Variants in CACUL1 observed in about 807,000 individuals in gnomAD.
CACUL1 encodes the protein CDK2 associated cullin domain 1, also known as CDK2-associated and cullin domain-containing protein 1.
In CACUL1, 13 loss-of-function variants were observed where a neutral mutation model predicts 45.2. That is an observed-to-expected ratio of 0.29 (90% CI 0.19 to 0.46). The LOEUF (loss-of-function observed/expected upper bound fraction) is 0.46. CACUL1 is among the 20% of genes least tolerant of loss of function. The pLI is 1.00. For synonymous variants in CACUL1, 197 were observed against 174.2 expected (o/e 1.13, Z -1.03); for missense variants, 421 against 471.4 (o/e 0.89, Z 0.99).
chr10:118,752,201 A>C (rs1252751287), intron 1 of CACUL1, among the ~76,000 whole-genome samples: 4 of 150,756 alleles, frequency 2.7e-5, no homozygotes, highest in Admixed American at 2.6e-4. Context: ...CTACAATGCT[A>C]AACAGTAGTA....
intron 2 of CACUL1, 69 bp downstream of exon 2, chr10:118,730,215 A>T: frequency 6.7e-7 from 1 of 1,483,054 alleles, no homozygotes; most frequent in Non-Finnish European, 9.4e-7. Context: ...TGTTTGTGTG[A>T]GGCATAATTC....
In CACUL1 at chr10:118,700,995, G is replaced by T. The variant is rs560185508; in HGVS notation, c.796+311C>A. On this transcript the variant is annotated intron_variant, in intron 5 of 8. Coordinates refer to ENST00000369151, the MANE Select transcript of CACUL1 (RefSeq NM_153810.5). ...TCTAGAGTTACTAGTAGTAAAGTTA[G>T]AAGTGAACTTCCTAATAATACTTTC... is the stretch of plus-strand genomic sequence containing the variant. 2.0e-5 allele frequency among the ~76,000 whole-genome samples: 3 copies of T among 152,286 alleles called. No individual in the cohort carries two copies. In the South Asian group the frequency reaches 6.2e-4, roughly 32 times the overall value.
At chr10:118,701,230 C>G (rs1370289964) in intron 5 of CACUL1, 76 bp downstream of exon 5, 3 of 796,274 alleles carry the variant, frequency 3.8e-6, no homozygotes, top group Non-Finnish European at 5.9e-6. Context: ...CGTGACAATG[C>G]TCTCAGACCA....
At chr10:118,745,844 T>TAA (rs1414828982) in intron 1 of CACUL1, among the ~76,000 whole-genome samples, 2 of 151,644 alleles carry the variant, frequency 1.3e-5, no homozygotes, top group Non-Finnish European at 2.9e-5. Flanking sequence ...TGCCTACAAG[T>TAA]AAAAGTAGTC....
chr10:118,707,396 T>C, intron 4 of CACUL1, 96 bp downstream of exon 4: 1 of 548,172 alleles, frequency 1.8e-6, no homozygotes, highest in Non-Finnish European at 3.2e-6. Flanking sequence ...ACAAATGTAG[T>C]AAAAGAAAAA....
chr10:118,722,721 T>A (rs1452738307), intron 3 of CACUL1, among the ~76,000 whole-genome samples: 1 of 152,188 alleles, frequency 6.6e-6, no homozygotes, highest in African/African-American at 2.4e-5. Flanking sequence ...CTCAACTTAG[T>A]AATAGGAGGA....
chr10:118,726,470 C>CAA (rs748079411), intron 3 of CACUL1: 44 of 390,372 alleles, frequency 1.1e-4, no homozygotes, highest in Non-Finnish European at 1.8e-4. Context: ...GTGAAGTAGT[C>CAA]AGACAGGGAA....
intron 1 of CACUL1, among the ~76,000 whole-genome samples, chr10:118,747,635 C>A (rs1463538201): frequency 6.8e-6 from 1 of 147,012 alleles, no homozygotes; most frequent in African/African-American, 2.5e-5. Flanking sequence ...TATGCGAGAA[C>A]GTGGAAGAAT....
intron 4 of CACUL1, among the ~76,000 whole-genome samples, chr10:118,703,334 G>T (rs777959464): frequency 2.6e-5 from 4 of 151,220 alleles, no homozygotes; most frequent in Non-Finnish European, 4.4e-5. Flanking sequence ...AAATACTAGT[G>T]TGAAAATATT....
chr10:118,693,053 G>A (rs988203874), intron 6 of CACUL1: 1 of 152,238 alleles, frequency 6.6e-6, no homozygotes, highest in African/African-American at 2.4e-5. Context: ...TAAAGATGAA[G>A]AAACAAAGTG....
intron 4 of CACUL1, 25 bp from the exon 5 acceptor site, chr10:118,701,433 T>C: frequency 7.3e-7 from 1 of 1,369,070 alleles, no homozygotes; most frequent in Non-Finnish European, 1.0e-6. Flanking sequence ...AAAATCTTTT[T>C]TTGTGTATTA....
chr10:118,720,074 G>C (rs1261931389), intron 3 of CACUL1, among the ~76,000 whole-genome samples: 3 of 151,992 alleles, frequency 2.0e-5, no homozygotes, highest in African/African-American at 7.2e-5. Context: ...TTTTCACTTA[G>C]ATCTTTTACT....
At position 118,684,979 on chromosome 10, in the gene CACUL1, GA is replaced by G. The variant is rs1421788108; in HGVS notation, c.*1148del. On this transcript the variant is annotated 3_prime_UTR_variant, in exon 9 of 9. Transcript: ENST00000369151. ...GACTAAAAAGCACTGTGGATGTGGAGAAACAGAAATATAGCTTTGCCACAGC... is the reference window on the plus strand; with the variant it reads ...GACTAAAAAGCACTGTGGATGTGGAGAACAGAAATATAGCTTTGCCACAGC... The G allele has an allele frequency of 6.6e-6, 1 of 152,204 alleles. No homozygotes were observed. The highest frequency in any genetic ancestry group is 1.5e-5 in the Non-Finnish European group (1 of 68,034). The allele number at this position is 152,204 out of a possible 1,614,324, so 9.4% of individuals were successfully genotyped here. A position where few individuals can be genotyped will look rare whatever the true frequency, so the allele number is the denominator to read the frequency against.
Position 118,684,715 on chromosome 10 carries a change from AG to A in CACUL1, c.*1412del, listed in dbSNP as rs1178654982. 1 of 152,194 alleles carries A rather than the reference AG, an allele frequency of 6.6e-6. No homozygotes were observed. Among genetic ancestry groups the A allele is most frequent in the South Asian group, 2.1e-4 (1 of 4,834 alleles). The allele number at this position is 152,194 out of a possible 1,614,324, so 9.4% of individuals were successfully genotyped here. A position where few individuals can be genotyped will look rare whatever the true frequency, so the allele number is the denominator to read the frequency against. On this transcript the variant is annotated 3_prime_UTR_variant, in exon 9 of 9. Coordinates refer to ENST00000369151, the MANE Select transcript of CACUL1 (RefSeq NM_153810.5). ...CCCCCAAAAAATAAACTGAATTGGC[AG>A]AGGCAGCTGTATGAAGAACCTGCAG...
At chr10:118,750,109 C>T (rs1279552723) in intron 1 of CACUL1, among the ~76,000 whole-genome samples, 1 of 152,068 alleles carries the variant, frequency 6.6e-6, no homozygotes, top group Non-Finnish European at 1.5e-5. Context: ...GGTGGATGAC[C>T]TGAGGTCAGG....
At chr10:118,693,461 T>A (rs764951462) in intron 6 of CACUL1, 1 of 191,124 alleles carries the variant, frequency 5.2e-6, no homozygotes, top group East Asian at 1.3e-4. Flanking sequence ...TTCTCAAATA[T>A]AGAATTCTCC....
intron 1 of CACUL1, among the ~76,000 whole-genome samples, chr10:118,746,151 CAAA>C (rs376453440): frequency 1.3e-4 from 12 of 91,244 alleles, no homozygotes; most frequent in African/African-American, 1.5e-4. Flanking sequence ...GACACTGTCT[CAAA>C]AAAAAAAAAA....
At chr10:118,703,263 T>C (rs893198054) in intron 4 of CACUL1, among the ~76,000 whole-genome samples, 4 of 152,196 alleles carry the variant, frequency 2.6e-5, no homozygotes, top group Non-Finnish European at 5.9e-5. Flanking sequence ...AACTTCTGTA[T>C]ATTCTTTCTA....
At chr10:118,735,033 C>T (rs144489894) in intron 1 of CACUL1, among the ~76,000 whole-genome samples, 7 of 152,312 alleles carry the variant, frequency 4.6e-5, no homozygotes, top group Admixed American at 2.0e-4. Flanking sequence ...TCAAACTAGA[C>T]GTTAAGCCCC....
Sources: gnomAD v4.1 joint callset for allele counts (sites outside exome capture counted in the v4.1 genomes callset) on GRCh38, gnomAD v4.1.1 for gene constraint, MANE v1.5 for transcripts, NCBI Gene and HGNC (gene_info 2026-07-23, HGNC 2026-07-21) for gene names.